The following RSRC1 variants were observed in gnomAD, a reference collection of about 807,000 sequenced individuals.
The protein encoded by RSRC1 is arginine and serine rich coiled-coil 1.
A neutral mutation model predicts 49.1 loss-of-function variants in RSRC1; 39 were observed. The observed-to-expected ratio is 0.79, with a 90% confidence interval of 0.61 to 1.04. The LOEUF is 1.04. RSRC1 is among the 50% of genes least tolerant of loss of function. The probability of loss-of-function intolerance (pLI) is 0.00; values close to 1 mark genes in which losing one functional copy is unlikely to be tolerated. For missense variants in RSRC1, 388 were observed against 402.4 expected (o/e 0.96, Z 0.31); for synonymous variants, 143 against 130.8 (o/e 1.09, Z -0.63).
At chr3:158,291,892 G>C (rs1726955758) in intron 4 of RSRC1, among the ~76,000 whole-genome samples, 1 of 152,194 alleles carries the variant, frequency 6.6e-6, no homozygotes, top group African/African-American at 2.4e-5. Context: ...AATTTCTTAA[G>C]AGGACATAAG....
chr3:158,222,760 T>C (rs1224365711), intron 4 of RSRC1, among the ~76,000 whole-genome samples: 2 of 151,614 alleles, frequency 1.3e-5, no homozygotes, highest in Non-Finnish European at 3.0e-5. Context: ...TCTGTGTCAA[T>C]GGAAGAAATG....
chr3:158,514,812 G>T (rs1039315009), intron 7 of RSRC1, among the ~76,000 whole-genome samples: 10 of 152,164 alleles, frequency 6.6e-5, no homozygotes, highest in African/African-American at 2.4e-4. Context: ...AGTATTGGGT[G>T]CATATATAAT....
intron 4 of RSRC1, among the ~76,000 whole-genome samples, chr3:158,254,227 C>T (rs973243878): frequency 6.6e-5 from 10 of 152,110 alleles, no homozygotes; most frequent in South Asian, 4.1e-4. Flanking sequence ...AATAAACATA[C>T]GTGTGCCTGT....
At chr3:158,470,361 C>CATATATATAT (rs59508977) in intron 7 of RSRC1, among the ~76,000 whole-genome samples, 3 of 100,308 alleles carry the variant, frequency 3.0e-5, no homozygotes, top group South Asian at 3.3e-4. Flanking sequence ...CACACACACA[C>CATATATATAT]ATATATATAT....
chr3:158,138,029 A>G (rs1643646422), intron 3 of RSRC1, among the ~76,000 whole-genome samples: 1 of 152,184 alleles, frequency 6.6e-6, no homozygotes, highest in Non-Finnish European at 1.5e-5. Context: ...AGTGTTTCAC[A>G]TCTTGACTCA....
At chr3:158,201,382 G>A (rs561960890) in intron 3 of RSRC1, among the ~76,000 whole-genome samples, 1 of 151,966 alleles carries the variant, frequency 6.6e-6, no homozygotes, top group African/African-American at 2.4e-5. Context: ...TTCTAATATA[G>A]AATCTGTAAA....
intron 7 of RSRC1, among the ~76,000 whole-genome samples, chr3:158,503,162 G>A (rs1739685615): frequency 6.6e-6 from 1 of 152,192 alleles, no homozygotes; most frequent in African/African-American, 2.4e-5. Flanking sequence ...CTCTCTTCTG[G>A]GTCTAGCCCC....
intron 7 of RSRC1, among the ~76,000 whole-genome samples, chr3:158,481,785 TC>T (rs1356284975): frequency 6.6e-6 from 1 of 152,092 alleles, no homozygotes; most frequent in Non-Finnish European, 1.5e-5. Context: ...TGCTTTTCTT[TC>T]TATACTCTTA....
At chr3:158,504,989 G>C (rs961640446) in intron 7 of RSRC1, among the ~76,000 whole-genome samples, 1 of 152,168 alleles carries the variant, frequency 6.6e-6, no homozygotes, top group African/African-American at 2.4e-5. Flanking sequence ...ATTTGTCAAA[G>C]TTGTTAGTTC....
chr3:158,529,178 A>AAT (rs1373068569), intron 7 of RSRC1, among the ~76,000 whole-genome samples: 2 of 145,974 alleles, frequency 1.4e-5, no homozygotes, highest in African/African-American at 5.1e-5. Flanking sequence ...TATTATATAA[A>AAT]ATATATATAT....
intron 7 of RSRC1, among the ~76,000 whole-genome samples, chr3:158,498,408 C>G (rs550111540): frequency 3.3e-5 from 5 of 151,840 alleles, no homozygotes; most frequent in Non-Finnish European, 7.4e-5. Flanking sequence ...TTTTTGATGG[C>G]ATTGTTTTGT....
rs557550985 is a variant in RSRC1, at chr3:158,446,293, G to A, written c.584-14642G>A. Among the ~76,000 whole-genome samples the A allele has an allele frequency of 5.6e-5, 8 of 143,542 alleles. No individual in the cohort carries two copies. The South Asian group carries it at 1.8e-3, about 33-fold the overall frequency. 94.2% of individuals were successfully genotyped at this position (143,542 alleles called of 152,430 possible). A position where few individuals can be genotyped will look rare whatever the true frequency, so the allele number is the denominator to read the frequency against. On this transcript the variant is annotated intron_variant, in intron 6 of 9. Coordinates refer to ENST00000611884, the MANE Select transcript of RSRC1 (RefSeq NM_001271838.2). ...CTGATGTTGTTGCAAGGTTTTTTTT[G>A]TTTAAACTCTGCCATATAGAATTGA...
chr3:158,138,613 T>C (rs1306325936), intron 3 of RSRC1, among the ~76,000 whole-genome samples: 1 of 152,252 alleles, frequency 6.6e-6, no homozygotes, highest in Non-Finnish European at 1.5e-5. Context: ...AGTCCCTGCT[T>C]TAAATGAACT....
At chr3:158,448,107 G>A (rs1459212366) in intron 6 of RSRC1, among the ~76,000 whole-genome samples, 1 of 151,790 alleles carries the variant, frequency 6.6e-6, no homozygotes, top group Non-Finnish European at 1.5e-5. Context: ...CTTGGAATGG[G>A]AGTTATCATA....
chr3:158,256,448 T>C (rs1049410174), intron 4 of RSRC1, among the ~76,000 whole-genome samples: 1 of 152,202 alleles, frequency 6.6e-6, no homozygotes, highest in Non-Finnish European at 1.5e-5. Context: ...GATGTGCTGC[T>C]GGATTTGGTT....
At chr3:158,249,586 A>C (rs1015357468) in intron 4 of RSRC1, among the ~76,000 whole-genome samples, 3 of 152,152 alleles carry the variant, frequency 2.0e-5, no homozygotes, top group African/African-American at 7.2e-5. Context: ...ATTCATGTAT[A>C]AGTCTTTGTA....
chr3:158,478,651 C>T (rs1408010059), intron 7 of RSRC1, among the ~76,000 whole-genome samples: 1 of 151,946 alleles, frequency 6.6e-6, no homozygotes, highest in African/African-American at 2.4e-5. Context: ...TAACCTCCCC[C>T]TCCCTTCACT....
At chr3:158,292,034 T>C (rs1213519481) in intron 4 of RSRC1, among the ~76,000 whole-genome samples, 2 of 152,348 alleles carry the variant, frequency 1.3e-5, no homozygotes, top group South Asian at 2.1e-4. Flanking sequence ...AATTGATACA[T>C]GGCATCTTCT....
intron 7 of RSRC1, among the ~76,000 whole-genome samples, chr3:158,523,950 A>AC (rs1267756278): frequency 2.0e-5 from 3 of 152,022 alleles, no homozygotes; most frequent in African/African-American, 7.2e-5. Context: ...TGTTGCCATG[A>AC]CCTTTGCTCT....
Sources: gnomAD v4.1 joint callset for allele counts (sites outside exome capture counted in the v4.1 genomes callset) on GRCh38, gnomAD v4.1.1 for gene constraint, MANE v1.5 for transcripts, NCBI Gene and HGNC (gene_info 2026-07-23, HGNC 2026-07-21) for gene names.